Variants in CTNNA2 observed in about 807,000 individuals in gnomAD.
CTNNA2 encodes the protein catenin alpha 2.
In CTNNA2, 42 loss-of-function variants were observed where a neutral mutation model predicts 101.0. The observed-to-expected ratio is 0.42, with a 90% CI of 0.32 to 0.54. The LOEUF (loss-of-function observed/expected upper bound fraction) is 0.54. Among genes scored for constraint, CTNNA2 ranks in the 20% least tolerant of loss-of-function variants. CTNNA2 has a pLI of 0.14. For missense variants in CTNNA2, 871 were observed against 1,223.1 expected (o/e 0.71, Z 4.29); for synonymous variants, 450 against 456.4 (o/e 0.99, Z 0.18).
At chr2:79,866,805 G>T (rs902541091) in intron 4 of CTNNA2, among the ~76,000 whole-genome samples, 3 of 152,052 alleles carry the variant, frequency 2.0e-5, no homozygotes, top group African/African-American at 7.3e-5. Context: ...TAATATGTAT[G>T]ATTTGATATT....
chr2:80,531,069 C>CA (rs1351422006), intron 9 of CTNNA2, among the ~76,000 whole-genome samples: 4 of 152,258 alleles, frequency 2.6e-5, no homozygotes, highest in Middle Eastern at 3.4e-3. Flanking sequence ...GTTACAGGTT[C>CA]TGAGGGCAGG....
At chr2:79,616,823 A>G (rs1177897382) in intron 1 of CTNNA2, among the ~76,000 whole-genome samples, 3 of 152,046 alleles carry the variant, frequency 2.0e-5, no homozygotes, top group African/African-American at 7.3e-5. Context: ...CCCCTATACA[A>G]TTTGCAACCA....
intron 1 of CTNNA2, among the ~76,000 whole-genome samples, chr2:79,584,334 C>G (rs1013574491): frequency 2.6e-5 from 4 of 151,960 alleles, no homozygotes; most frequent in Non-Finnish European, 4.4e-5. Flanking sequence ...CTAGAAGTAT[C>G]CAGCCATAAT....
chr2:79,844,023 A>T (rs187512650), intron 3 of CTNNA2, among the ~76,000 whole-genome samples: 5 of 152,338 alleles, frequency 3.3e-5, no homozygotes, highest in Non-Finnish European at 4.4e-5. Context: ...GTGAGTTTTT[A>T]AATTTGTAGT....
At chr2:80,219,460 A>C (rs934480903) in intron 7 of CTNNA2, among the ~76,000 whole-genome samples, 6 of 152,142 alleles carry the variant, frequency 3.9e-5, no homozygotes, top group Admixed American at 1.3e-4. Flanking sequence ...ACCTCTTTGA[A>C]TCCCTATGAA....
At chr2:79,324,324 G>T (rs557065973) in intron 3 of CTNNA2, among the ~76,000 whole-genome samples, 2 of 152,194 alleles carry the variant, frequency 1.3e-5, no homozygotes, top group South Asian at 4.1e-4. Flanking sequence ...CTTTGGATTG[G>T]CTAATTTGAG....
Position 79,909,584 on chromosome 2 carries a change from A to C in CTNNA2, c.853-10A>C. The C allele has an allele frequency of 6.3e-7, 1 of 1,593,718 alleles. No homozygotes were observed. The highest frequency in any genetic ancestry group is 1.7e-4 in the Middle Eastern group (1 of 6,002). On this transcript the variant is annotated splice_polypyrimidine_tract_variant and intron_variant, in intron 6 of 18. Transcript: ENST00000402739. ...GCTGATTTTTGTGTGTGTGTGTGTG[A>C]TACTTTCAGAATAAGATTATCCTGG...
chr2:80,576,326 GGACCTCCCTTTT>G (rs1695039127), intron 13 of CTNNA2: 1 of 150,512 alleles, frequency 6.6e-6, no homozygotes, highest in Non-Finnish European at 1.5e-5. Flanking sequence ...TCAGCTGTCA[GGACCTCCCTTTT>G]CTGTTGGAGC....
intron 7 of CTNNA2, among the ~76,000 whole-genome samples, chr2:79,985,399 C>G (rs7601484): frequency 1.3e-5 from 2 of 152,128 alleles, no homozygotes; most frequent in Non-Finnish European, 1.5e-5. Context: ...TCCCTACAGT[C>G]ATTAGGTGCC....
rs147570381 is a variant in CTNNA2 at position 79,372,714 on chromosome 2, G to A, written c.-317-1117G>A. On this transcript the variant is annotated intron_variant, in intron 3 of 21. Coordinates refer to the CTNNA2 transcript ENST00000466387. ...TCCCCAGAATACAAAGACATTCAAC[G>A]GTTAAAAACCAGAGATCGACAAGAA... 4.7e-4 allele frequency among the ~76,000 whole-genome samples: 71 copies of A among 152,188 alleles called. 1 individual carries two copies. In the South Asian group the frequency reaches 7.3e-3, roughly 16 times the overall value.
At chr2:79,637,515 A>G (rs1003568737) in intron 1 of CTNNA2, among the ~76,000 whole-genome samples, 5 of 152,190 alleles carry the variant, frequency 3.3e-5, no homozygotes, top group African/African-American at 9.7e-5. Flanking sequence ...AACTTTCAGG[A>G]AACAAAGACC....
In CTNNA2 at chr2:79,528,018, A is replaced by C. The variant is rs138639929; in HGVS notation, c.-6+14811A>C. On this transcript the variant is annotated intron_variant, in intron 1 of 18. Transcript: ENST00000402739. ...AAGTACTGATACACGTGAAACGTGG[A>C]TATCCTTGAAGACATTGTGTGAAGT... 1.6e-3 allele frequency among the ~76,000 whole-genome samples: 239 copies of C among 152,326 alleles called. 2 individuals are homozygous for C. Among genetic ancestry groups the C allele is most frequent in the African/African-American group, 5.2e-3 (218 of 41,596 alleles).
intron 7 of CTNNA2, among the ~76,000 whole-genome samples, chr2:79,955,409 T>C (rs1387139827): frequency 1.3e-5 from 2 of 152,208 alleles, no homozygotes; most frequent in African/African-American, 2.4e-5. Context: ...TTAAGTCTGA[T>C]GTGCTTCATG....
At chr2:80,180,226 C>T (rs1705687887) in intron 7 of CTNNA2, among the ~76,000 whole-genome samples, 1 of 152,166 alleles carries the variant, frequency 6.6e-6, no homozygotes, top group Non-Finnish European at 1.5e-5. Flanking sequence ...GACCCAGTCT[C>T]TCCTTCATTC....
At chr2:80,023,554 A>G (rs547733097) in intron 7 of CTNNA2, among the ~76,000 whole-genome samples, 1 of 152,278 alleles carries the variant, frequency 6.6e-6, no homozygotes, top group South Asian at 2.1e-4. Flanking sequence ...TTCTATTTCC[A>G]AAGTACGTAG....
chr2:80,217,083 C>T (rs921932075), intron 7 of CTNNA2, among the ~76,000 whole-genome samples: 6 of 152,078 alleles, frequency 3.9e-5, no homozygotes, highest in South Asian at 4.2e-4. Context: ...CTGCCCACCT[C>T]GGCCTCCCAA....
chr2:80,069,670 G>A (rs747198538), intron 7 of CTNNA2, among the ~76,000 whole-genome samples: 5 of 152,136 alleles, frequency 3.3e-5, no homozygotes, highest in Non-Finnish European at 7.4e-5. Flanking sequence ...GAATAAGAGA[G>A]GAAATAAATT....
chr2:80,533,792 G>T (rs1299234637), intron 9 of CTNNA2, among the ~76,000 whole-genome samples: 1 of 152,140 alleles, frequency 6.6e-6, no homozygotes, highest in Non-Finnish European at 1.5e-5. Flanking sequence ...TCCATGTAAA[G>T]ATGGAGAAAA....
At chr2:80,626,541 T>C (rs1383120539) in intron 18 of CTNNA2, among the ~76,000 whole-genome samples, 1 of 152,096 alleles carries the variant, frequency 6.6e-6, no homozygotes, top group Non-Finnish European at 1.5e-5. Flanking sequence ...CACAATGTTT[T>C]AGCTCAGCAC....
Sources: gnomAD v4.1 joint callset for allele counts (sites outside exome capture counted in the v4.1 genomes callset) on GRCh38, gnomAD v4.1.1 for gene constraint, MANE v1.5 for transcripts, NCBI Gene and HGNC (gene_info 2026-07-23, HGNC 2026-07-21) for gene names.